The following SPMIP2 variants were observed in gnomAD, a reference collection of about 807,000 sequenced individuals.
SPMIP2 encodes sperm microtubule inner protein 2, also known as protein SPMIP2.
the SPMIP2 span, among the ~76,000 whole-genome samples, chr4:159,081,294 C>T: frequency 6.6e-6 from 1 of 152,108 alleles, no homozygotes. Flanking sequence ...CCGCCTCAGC[C>T]ACCCAAAGTG....
chr4:158,930,191 G>GTCTCTCTCTCTCTCTC, the SPMIP2 span, among the ~76,000 whole-genome samples: 2,648 of 144,164 alleles, frequency 0.018, 114 homozygotes, highest in African/African-American at 0.066. Flanking sequence ...GAGGATCTCA[G>GTCTCTCTCTCTCTCTC]TCTCTCTCTC....
At chr4:159,080,766 C>CTTTGTTTG in the SPMIP2 span, among the ~76,000 whole-genome samples, 177 of 152,302 alleles carry the variant, frequency 1.2e-3, no homozygotes, top group African/African-American at 4.1e-3. Context: ...AGACAGAGCC[C>CTTTGTTTG]AGGCTGGAGT....
chr4:158,936,169 T>C, the SPMIP2 span, among the ~76,000 whole-genome samples: 1 of 152,212 alleles, frequency 6.6e-6, no homozygotes, highest in Non-Finnish European at 1.5e-5. Flanking sequence ...GGAGATTCTC[T>C]GGTTGACTAA....
chr4:158,912,559 T>C, the SPMIP2 span, among the ~76,000 whole-genome samples: 3 of 152,216 alleles, frequency 2.0e-5, no homozygotes, highest in African/African-American at 4.8e-5. Flanking sequence ...ATAGTAATGA[T>C]AGCCACTCAC....
the SPMIP2 span, chr4:158,895,687 C>G: frequency 3.0e-6 from 3 of 1,001,392 alleles, no homozygotes; most frequent in Non-Finnish European, 4.6e-6. Flanking sequence ...AAAATTCTGA[C>G]TCTTAAAATA....
chr4:159,059,516 G>C, the SPMIP2 span, among the ~76,000 whole-genome samples: 1 of 152,192 alleles, frequency 6.6e-6, no homozygotes, highest in Non-Finnish European at 1.5e-5. Flanking sequence ...GGGGTTACAG[G>C]TGTGCACCAC....
the SPMIP2 span, among the ~76,000 whole-genome samples, chr4:159,023,072 AAAAT>A: frequency 9.5e-6 from 1 of 105,214 alleles, no homozygotes; most frequent in African/African-American, 3.6e-5. Context: ...AAAATAAAAT[AAAAT>A]AAAATAAAAA....
At chr4:158,914,134 T>C in the SPMIP2 span, among the ~76,000 whole-genome samples, 1 of 152,210 alleles carries the variant, frequency 6.6e-6, no homozygotes, top group Non-Finnish European at 1.5e-5. Flanking sequence ...GTAATAGCTC[T>C]AATCTGACAC....
At chr4:158,930,191 G>GTCTCTCTCTCTCTCTCTCTC in the SPMIP2 span, among the ~76,000 whole-genome samples, 254 of 144,226 alleles carry the variant, frequency 1.8e-3, 4 homozygotes, top group African/African-American at 6.3e-3. Context: ...GAGGATCTCA[G>GTCTCTCTCTCTCTCTCTCTC]TCTCTCTCTC....
At chr4:158,976,264 T>G in the SPMIP2 span, among the ~76,000 whole-genome samples, 2 of 152,184 alleles carry the variant, frequency 1.3e-5, no homozygotes, top group Non-Finnish European at 2.9e-5. Flanking sequence ...CTCTTCCTAT[T>G]TGAATACATT....
chr4:159,016,759 A>G, the SPMIP2 span, among the ~76,000 whole-genome samples: 78 of 152,228 alleles, frequency 5.1e-4, no homozygotes, highest in Non-Finnish European at 7.3e-4. Flanking sequence ...ACAGGGAGAC[A>G]CTAGGTGAGC....
chr4:159,007,661 T>C, the SPMIP2 span: 1 of 752,014 alleles, frequency 1.3e-6, no homozygotes, highest in Admixed American at 1.8e-5. Context: ...CCAAGGAGAC[T>C]CATGTAATGG....
At chr4:158,978,755 C>G in the SPMIP2 span, among the ~76,000 whole-genome samples, 152 of 151,184 alleles carry the variant, frequency 1.0e-3, 2 homozygotes, top group African/African-American at 2.1e-3. Flanking sequence ...TTTTTTTTTG[C>G]TTTCCACTTA....
At chr4:159,020,111 C>T in the SPMIP2 span, among the ~76,000 whole-genome samples, 2 of 150,566 alleles carry the variant, frequency 1.3e-5, no homozygotes, top group African/African-American at 2.5e-5. Context: ...CAGAGCCAGA[C>T]TCCATCTTTA....
the SPMIP2 span, among the ~76,000 whole-genome samples, chr4:158,975,163 T>C: frequency 7.0e-5 from 6 of 85,774 alleles, no homozygotes; most frequent in South Asian, 1.9e-3. Flanking sequence ...TGTTTTTTTC[T>C]TGTGACTTTA....
At chr4:159,035,978 T>C in the SPMIP2 span, among the ~76,000 whole-genome samples, 1 of 152,250 alleles carries the variant, frequency 6.6e-6, no homozygotes, top group African/African-American at 2.4e-5. Context: ...ATGATAAAAG[T>C]ATACTTATTT....
chr4:158,899,017 C>T, the SPMIP2 span, among the ~76,000 whole-genome samples: 23 of 152,268 alleles, frequency 1.5e-4, 1 homozygote, highest in East Asian at 4.4e-3. Context: ...GATACGTTCC[C>T]TCAATACCTA....
chr4:158,942,567 C>T, the SPMIP2 span, among the ~76,000 whole-genome samples: 41 of 152,176 alleles, frequency 2.7e-4, no homozygotes, highest in Admixed American at 2.0e-3. Context: ...GTCAGGAGTT[C>T]GAAACCAGCC....
the SPMIP2 span, among the ~76,000 whole-genome samples, chr4:158,927,388 A>C: frequency 6.6e-6 from 1 of 152,234 alleles, no homozygotes; most frequent in Non-Finnish European, 1.5e-5. Context: ...TCTCTTATAC[A>C]CAACGTATAC....
Sources: allele counts gnomAD v4.1 joint callset (sites outside exome capture counted in the v4.1 genomes callset), GRCh38; gene constraint gnomAD v4.1.1; transcripts MANE v1.5; gene names NCBI Gene and HGNC (gene_info 2026-07-23, HGNC 2026-07-21).